Variants in GALNT17 observed in about 807,000 individuals in gnomAD.
GALNT17 encodes the protein polypeptide N-acetylgalactosaminyltransferase 17.
A neutral mutation model predicts 63.7 loss-of-function variants in GALNT17; 29 were observed. The ratio of observed to expected loss-of-function variants is 0.46; its 90% CI spans 0.34 to 0.62. GALNT17 has a LOEUF of 0.62. Among genes scored for constraint, GALNT17 ranks in the 20% least tolerant of loss-of-function variants. GALNT17 has a pLI of 0.01. For missense variants in GALNT17, 603 were observed against 799.6 expected, an observed-to-expected ratio of 0.75 and a Z score of 2.97; for synonymous variants, 305 against 318.3, an observed-to-expected ratio of 0.96 and a Z score of 0.45.
chr7:71,687,616 C>T (rs1035401631), intron 9 of GALNT17, among the ~76,000 whole-genome samples: 1 of 152,178 alleles, frequency 6.6e-6, no homozygotes, highest in Non-Finnish European at 1.5e-5. Flanking sequence ...TTGATCATCC[C>T]TTTCCATCCA....
intron 9 of GALNT17, among the ~76,000 whole-genome samples, chr7:71,700,986 C>CA (rs1791622819): frequency 6.6e-6 from 1 of 152,092 alleles, no homozygotes; most frequent in Non-Finnish European, 1.5e-5. Flanking sequence ...GAGCAGTGAA[C>CA]AAAAAAGTTA....
In GALNT17 at chr7:71,436,098, G is replaced by T. The variant is rs2960889; in HGVS notation, c.962+14993G>T. On this transcript the variant is annotated intron_variant, in intron 5 of 10. Coordinates refer to ENST00000333538, the MANE Select transcript of GALNT17 (RefSeq NM_022479.3). ...TGATTTGAGTAATAATAAAACTCGG[G>T]TCTCCCAGACAGCTGGCTCTGGTGC... 2.9e-3 allele frequency among the ~76,000 whole-genome samples: 436 copies of T among 151,912 alleles called. 2 individuals are homozygous for T. Among genetic ancestry groups the T allele is most frequent in the African/African-American group, 1.0e-2 (413 of 41,444 alleles).
chr7:71,444,106 C>T (rs536676121), intron 5 of GALNT17, among the ~76,000 whole-genome samples: 2 of 152,316 alleles, frequency 1.3e-5, no homozygotes, highest in Non-Finnish European at 2.9e-5. Flanking sequence ...CCTGGCTGGC[C>T]ACTCCTTGCC....
chr7:71,462,055 C>T (rs531415442), intron 5 of GALNT17, among the ~76,000 whole-genome samples: 64 of 152,288 alleles, frequency 4.2e-4, no homozygotes, highest in African/African-American at 1.5e-3. Context: ...AGACCTGCCC[C>T]TACTCTGCGA....
At chr7:71,183,727 A>G (rs1796085) in intron 1 of GALNT17, among the ~76,000 whole-genome samples, 1 of 151,738 alleles carries the variant, frequency 6.6e-6, no homozygotes, top group Admixed American at 6.6e-5. Flanking sequence ...TGAAACCCCC[A>G]CTGTACGAAA....
intron 1 of GALNT17, among the ~76,000 whole-genome samples, chr7:71,249,408 T>C (rs1790157355): frequency 6.6e-6 from 1 of 152,180 alleles, no homozygotes; most frequent in Admixed American, 6.5e-5. Flanking sequence ...TTGGTGAAAA[T>C]TTTTGAGCAC....
intron 1 of GALNT17, among the ~76,000 whole-genome samples, chr7:71,320,999 A>G (rs1791596237): frequency 6.6e-6 from 1 of 152,198 alleles, no homozygotes; most frequent in Non-Finnish European, 1.5e-5. Flanking sequence ...TTAGGAATAA[A>G]AATGCTAGAA....
chr7:71,555,140 G>T (rs181117399), intron 5 of GALNT17, among the ~76,000 whole-genome samples: 30 of 152,110 alleles, frequency 2.0e-4, no homozygotes, highest in Non-Finnish European at 3.1e-4. Flanking sequence ...CACAGGGAAG[G>T]CACCAAACCA....
At chr7:71,548,172 G>T (rs780752743) in intron 5 of GALNT17, among the ~76,000 whole-genome samples, 20 of 151,672 alleles carry the variant, frequency 1.3e-4, no homozygotes, top group Non-Finnish European at 2.8e-4. Flanking sequence ...AATCAGGAAG[G>T]TAGAGGTTGC....
chr7:71,638,879 T>C (rs775227338), intron 6 of GALNT17, among the ~76,000 whole-genome samples: 1 of 152,056 alleles, frequency 6.6e-6, no homozygotes, highest in Admixed American at 6.6e-5. Context: ...GATCTAAGAA[T>C]TAAAACAATT....
intron 1 of GALNT17, among the ~76,000 whole-genome samples, chr7:71,263,305 G>A (rs1035595827): frequency 6.6e-6 from 1 of 152,072 alleles, no homozygotes; most frequent in Admixed American, 6.6e-5. Flanking sequence ...GTTGCAGTGA[G>A]CTGAGATTGC....
intron 1 of GALNT17, among the ~76,000 whole-genome samples, chr7:71,333,224 C>G (rs1791837750): frequency 6.6e-6 from 1 of 152,238 alleles, no homozygotes; most frequent in South Asian, 2.1e-4. Context: ...TTTACCTATT[C>G]TGTACATTTC....
At chr7:71,309,779 C>T (rs998306270) in intron 1 of GALNT17, among the ~76,000 whole-genome samples, 25 of 152,066 alleles carry the variant, frequency 1.6e-4, no homozygotes, top group Non-Finnish European at 8.8e-5. Flanking sequence ...TGATGTTTAG[C>T]GCATTTGCCA....
At chr7:71,357,792 G>C (rs1256685264) in intron 2 of GALNT17, among the ~76,000 whole-genome samples, 4 of 152,064 alleles carry the variant, frequency 2.6e-5, no homozygotes, top group African/African-American at 9.7e-5. Flanking sequence ...ACTTTTAAGG[G>C]GATTGTAAAA....
At chr7:71,280,608 C>T (rs1323082665) in intron 1 of GALNT17, among the ~76,000 whole-genome samples, 2 of 152,156 alleles carry the variant, frequency 1.3e-5, no homozygotes, top group African/African-American at 4.8e-5. Flanking sequence ...TCAGAGTTGC[C>T]TCTGGCTTTA....
chr7:71,398,650 TTAAA>T (rs1001962211), intron 3 of GALNT17, among the ~76,000 whole-genome samples: 6 of 152,202 alleles, frequency 3.9e-5, no homozygotes, highest in Non-Finnish European at 7.3e-5. Flanking sequence ...TGATTATCTC[TTAAA>T]TAGTGATTAG....
chr7:71,333,615 C>A (rs1260871559), intron 1 of GALNT17, among the ~76,000 whole-genome samples: 3 of 152,100 alleles, frequency 2.0e-5, no homozygotes, highest in Non-Finnish European at 2.9e-5. Context: ...GATTTTTGCT[C>A]ATTGCCTCCT....
intron 2 of GALNT17, 146 bp from the exon 3 acceptor site, chr7:71,388,089 G>T (rs1792979808): frequency 2.6e-6 from 2 of 780,470 alleles, no homozygotes; most frequent in Admixed American, 5.4e-5. Flanking sequence ...TCAGTTCTTA[G>T]CCAAGGAGAA....
chr7:71,157,116 A>C (rs189628617), intron 1 of GALNT17, among the ~76,000 whole-genome samples: 11 of 151,678 alleles, frequency 7.3e-5, no homozygotes, highest in Non-Finnish European at 1.5e-4. Context: ...GCCACTGTGC[A>C]TGGTTCAACA....
Sources: allele counts gnomAD v4.1 joint callset (sites outside exome capture counted in the v4.1 genomes callset), GRCh38; gene constraint gnomAD v4.1.1; transcripts MANE v1.5; gene names NCBI Gene and HGNC (gene_info 2026-07-23, HGNC 2026-07-21).